The following SBF2 variants were observed in gnomAD, a reference collection of about 807,000 sequenced individuals.
The protein encoded by SBF2 is myotubularin-related protein 13.
In SBF2, 112 loss-of-function variants were observed where a neutral mutation model predicts 225.2. The observed-to-expected ratio is 0.50, with a 90% CI of 0.43 to 0.58. SBF2 has a LOEUF of 0.58. Ranked by LOEUF, SBF2 falls within the 20% of genes least tolerant of loss-of-function variation. The probability of loss-of-function intolerance (pLI) is 0.00; values close to 1 mark genes in which losing one functional copy is unlikely to be tolerated. For missense variants in SBF2, 1,996 were observed against 2,206.2 expected, an observed-to-expected ratio of 0.90 and a Z score of 1.91; for synonymous variants, 763 against 773.3, an observed-to-expected ratio of 0.99 and a Z score of 0.22.
intron 1 of SBF2, among the ~76,000 whole-genome samples, chr11:10,237,311 C>T (rs564463340): frequency 5.1e-4 from 78 of 152,260 alleles, no homozygotes; most frequent in Non-Finnish European, 9.3e-4. Flanking sequence ...CGTGCCACTG[C>T]ACTCCAGCCT....
intron 2 of SBF2, among the ~76,000 whole-genome samples, chr11:10,133,762 T>TG (rs1954213181): frequency 6.6e-6 from 1 of 151,624 alleles, no homozygotes; most frequent in Non-Finnish European, 1.5e-5. Context: ...CACAGTGCAA[T>TG]GGGGGACTGA....
At chr11:9,851,094 C>T (rs370606143) in intron 21 of SBF2, among the ~76,000 whole-genome samples, 2 of 144,822 alleles carry the variant, frequency 1.4e-5, no homozygotes, top group East Asian at 3.9e-4. Context: ...CGAGATTGTG[C>T]CACTGCACTC....
intron 2 of SBF2, among the ~76,000 whole-genome samples, chr11:10,072,382 C>T (rs1950917368): frequency 6.6e-6 from 1 of 152,074 alleles, no homozygotes; most frequent in Non-Finnish European, 1.5e-5. Context: ...CTCTCAGGCC[C>T]AACAACCTAC....
chr11:10,258,106 ACAC>A (rs1324385736), intron 1 of SBF2, among the ~76,000 whole-genome samples: 263 of 147,080 alleles, frequency 1.8e-3, no homozygotes, highest in Admixed American at 4.8e-3. Flanking sequence ...ACACACACAC[ACAC>A]TTTTTTTTTT....
chr11:9,877,766 T>C (rs1056619519), intron 17 of SBF2, among the ~76,000 whole-genome samples: 2 of 152,248 alleles, frequency 1.3e-5, no homozygotes, highest in African/African-American at 4.8e-5. Context: ...ATGGTGTTTA[T>C]GTGCCACATT....
chr11:10,265,773 C>T (rs1390435726), intron 1 of SBF2, among the ~76,000 whole-genome samples: 2 of 152,304 alleles, frequency 1.3e-5, no homozygotes, highest in Admixed American at 1.3e-4. Flanking sequence ...ACAGCCTCAA[C>T]CTCCCAGGCT....
intron 17 of SBF2, among the ~76,000 whole-genome samples, chr11:9,894,319 C>T (rs920447489): frequency 2.6e-5 from 4 of 151,990 alleles, no homozygotes; most frequent in African/African-American, 9.7e-5. Context: ...GAGATCAAGA[C>T]CATTCTGGCC....
intron 1 of SBF2, among the ~76,000 whole-genome samples, chr11:10,234,903 G>A (rs12279727): frequency 6.6e-6 from 1 of 152,104 alleles, no homozygotes; most frequent in South Asian, 2.1e-4. Flanking sequence ...AGGTGGTACA[G>A]TATCTCTTAT....
In SBF2 at chr11:10,227,625, T is replaced by C. The variant is rs527938123; in HGVS notation, c.56-33638A>G. On this transcript the variant is annotated intron_variant, in intron 1 of 39. Transcript: ENST00000256190. Reference sequence around the variant, plus strand: ...TTTGTCAGGTTTGACAAAGATCAGATAGTTGTAGATATGCGGCATTATTTC... The same window carrying C: ...TTTGTCAGGTTTGACAAAGATCAGACAGTTGTAGATATGCGGCATTATTTC... Among the ~76,000 whole-genome samples, 18 of 152,316 alleles carry C rather than the reference T, an allele frequency of 1.2e-4. No individual in the cohort carries two copies. The South Asian group carries it at 3.5e-3, about 30-fold the overall frequency.
chr11:10,147,230 A>T (rs950278337), intron 2 of SBF2, among the ~76,000 whole-genome samples: 1 of 152,026 alleles, frequency 6.6e-6, no homozygotes, highest in Non-Finnish European at 1.5e-5. Flanking sequence ...ATATACCCAA[A>T]GGAGTATAAC....
chr11:10,196,450 G>A (rs867053185), intron 1 of SBF2, among the ~76,000 whole-genome samples: 51 of 152,000 alleles, frequency 3.4e-4, no homozygotes, highest in African/African-American at 1.0e-3. Context: ...CACAATCATC[G>A]CTCACCGCAG....
At chr11:9,935,336 T>A (rs1043961211) in intron 16 of SBF2, among the ~76,000 whole-genome samples, 3 of 152,182 alleles carry the variant, frequency 2.0e-5, no homozygotes, top group African/African-American at 7.2e-5. Flanking sequence ...CATTCCATGC[T>A]CATGGATAGG....
At chr11:10,304,554 G>A (rs1591387167) in exon 1 of SBF2, 1 of 152,226 alleles carries the variant, frequency 6.6e-6, no homozygotes, top group South Asian at 2.1e-4. Context: ...TGCTCCTCTC[G>A]GCTTTGCTCC....
At chr11:9,894,951 T>C (rs1271395382) in intron 17 of SBF2, among the ~76,000 whole-genome samples, 1 of 151,976 alleles carries the variant, frequency 6.6e-6, no homozygotes, top group African/African-American at 2.4e-5. Context: ...CATTGCACTC[T>C]AGCCTGGGCA....
At chr11:10,279,948 C>A (rs1274111398) in intron 1 of SBF2, among the ~76,000 whole-genome samples, 1 of 152,124 alleles carries the variant, frequency 6.6e-6, no homozygotes, top group Non-Finnish European at 1.5e-5. Flanking sequence ...CACGCCTGGC[C>A]GATCAGTGAT....
intron 36 of SBF2, among the ~76,000 whole-genome samples, chr11:9,787,365 C>G (rs1365677455): frequency 6.6e-6 from 1 of 152,196 alleles, no homozygotes; most frequent in African/African-American, 2.4e-5. Context: ...CACACGGGCA[C>G]TGAGATAGAA....
At chr11:10,110,648 T>C (rs992779686) in intron 2 of SBF2, among the ~76,000 whole-genome samples, 1 of 152,162 alleles carries the variant, frequency 6.6e-6, no homozygotes, top group Non-Finnish European at 1.5e-5. Flanking sequence ...TTAAAAGCTA[T>C]AAATTTAATA....
chr11:9,935,555 T>G (rs1864835385), intron 16 of SBF2, among the ~76,000 whole-genome samples: 1 of 152,174 alleles, frequency 6.6e-6, no homozygotes, highest in African/African-American at 2.4e-5. Flanking sequence ...GACTTCAAAC[T>G]ATACTACAAG....
intron 13 of SBF2, among the ~76,000 whole-genome samples, chr11:9,985,577 C>G (rs955003333): frequency 2.0e-5 from 3 of 152,110 alleles, no homozygotes; most frequent in Admixed American, 1.3e-4. Context: ...CCTGCCTTGG[C>G]CTCCCAAAGT....
Sources: allele counts gnomAD v4.1 joint callset (sites outside exome capture counted in the v4.1 genomes callset), GRCh38; gene constraint gnomAD v4.1.1; transcripts MANE v1.5; gene names NCBI Gene and HGNC (gene_info 2026-07-23, HGNC 2026-07-21).